Variants in COL5A1 observed in about 807,000 individuals in gnomAD.
COL5A1 encodes the protein collagen type V alpha 1 chain.
COL5A1 carries 16 observed loss-of-function variants against 263.7 expected under a neutral mutation model. The observed-to-expected ratio is 0.06, with a 90% confidence interval of 0.04 to 0.09. The LOEUF (loss-of-function observed/expected upper bound fraction) is 0.09. Ranked by LOEUF, COL5A1 falls within the 10% of genes least tolerant of loss-of-function variation. The probability of loss-of-function intolerance (pLI) is 1.00; values close to 1 mark genes in which losing one functional copy is unlikely to be tolerated. For missense variants in COL5A1, 2,036 were observed against 2,540.5 expected (o/e 0.80, Z 4.27); for synonymous variants, 1,012 against 1,004.5 (o/e 1.01, Z -0.14).
At chr9:134,769,015 G>A (rs995712984) in intron 25 of COL5A1, among the ~76,000 whole-genome samples, 11 of 152,200 alleles carry the variant, frequency 7.2e-5, no homozygotes, top group African/African-American at 2.4e-4. Context: ...CTCAGAATGC[G>A]TGCGTGCGTG....
intron 1 of COL5A1, among the ~76,000 whole-genome samples, chr9:134,689,316 C>T (rs753724973): frequency 2.6e-5 from 4 of 152,286 alleles, no homozygotes; most frequent in South Asian, 2.1e-4. Context: ...TTGAGCCCGT[C>T]GCAGGCTGAT....
intron 18 of COL5A1, among the ~76,000 whole-genome samples, chr9:134,759,734 A>G (rs374837497): frequency 6.3e-5 from 3 of 47,924 alleles, no homozygotes; most frequent in Admixed American, 3.6e-4. Flanking sequence ...CCACACTCAT[A>G]CACACACACC....
chr9:134,732,113 GCGATTATCGAGC>G lies in COL5A1; in HGVS notation c.1378_1389del (p.Ile460_Pro463del). ...CGAGAAAGGCCAAAAGGGAGAACCA[GCGATTATCGAGC>G]CGGTGAGGACATTTTCTCATTCCCT... is the stretch of plus-strand genomic sequence containing the variant. On this transcript the variant is annotated inframe_deletion and splice_region_variant, in exon 9 of 66. Transcript: ENST00000371817. The G allele has an allele frequency of 6.2e-7, 1 of 1,614,260 alleles. No individual in the cohort carries two copies. Among genetic ancestry groups the G allele is most frequent in the Non-Finnish European group, 8.5e-7 (1 of 1,180,034 alleles).
At chr9:134,764,084 G>A (rs1328012764) in intron 20 of COL5A1, among the ~76,000 whole-genome samples, 3 of 139,620 alleles carry the variant, frequency 2.1e-5, no homozygotes, top group South Asian at 2.5e-4. Flanking sequence ...TGAGGGCATC[G>A]TGGTGGGGTC....
intron 49 of COL5A1, 125 bp downstream of exon 49, chr9:134,814,161 C>A: frequency 3.2e-6 from 3 of 934,128 alleles, no homozygotes. Context: ...TGTAACCCCT[C>A]TTGTGCCCAT....
At chr9:134,657,565 G>A (rs1263123507) in intron 1 of COL5A1, among the ~76,000 whole-genome samples, 9 of 117,816 alleles carry the variant, frequency 7.6e-5, no homozygotes, top group Non-Finnish European at 1.2e-4. Flanking sequence ...TGGGGGTGGT[G>A]TAGGGGGTGT....
intron 18 of COL5A1, among the ~76,000 whole-genome samples, chr9:134,759,394 C>G (rs571606485): frequency 3.6e-5 from 5 of 138,116 alleles, no homozygotes; most frequent in Non-Finnish European, 7.9e-5. Flanking sequence ...TGCACACATA[C>G]GCATACACAC....
In COL5A1 at chr9:134,753,922, T is replaced by C. The variant is rs1223088813; in HGVS notation, c.1773+19T>C. On this transcript the variant is annotated intron_variant, in intron 15 of 65. Transcript: ENST00000371817. ...GCCTCAGGTATGTGGGATCCTTGCC[T>C]TCGCTGTCTGGTGGGCGCCTCCCGT... The C allele has an allele frequency of 1.2e-6, 2 of 1,609,646 alleles. No individual in the cohort carries two copies. Among genetic ancestry groups the C allele is most frequent in the Non-Finnish European group, 1.7e-6 (2 of 1,176,432 alleles).
At position 134,642,332 on chromosome 9, in the gene COL5A1, GGC is replaced by G. The variant is rs1204691549; in HGVS notation, c.109+43_109+44del. 5 of 575,742 alleles carry G rather than the reference GGC, an allele frequency of 8.7e-6. No homozygotes were observed. The highest frequency in any genetic ancestry group is 1.2e-5 in the Non-Finnish European group (5 of 417,378). The allele number at this position is 575,742 out of a possible 1,614,324, so 35.7% of individuals were successfully genotyped here. On this transcript the variant is annotated intron_variant, in intron 1 of 65. Transcript: ENST00000371817. This position sits in a 1 kb window ranked among gnomAD's most constrained non-coding sequence, Gnocchi z 4.5. The stretch of plus-strand genomic sequence containing the variant: ...CCCGGGGCGCGGGGCTGCGGGATGG[GGC>G]GCGCGCAGCCCGGGCGCCGCTGTCA...
At chr9:134,819,371 T>C (rs928394298) in intron 57 of COL5A1, among the ~76,000 whole-genome samples, 1 of 152,264 alleles carries the variant, frequency 6.6e-6, no homozygotes, top group African/African-American at 2.4e-5. Context: ...CTCCCTGGGC[T>C]GAGCGGCCCC....
At position 134,758,211 on chromosome 9, in the gene COL5A1, C is replaced by T. The variant is rs373764992; in HGVS notation, c.1882-32C>T. 54 of 1,612,980 alleles carry T rather than the reference C, an allele frequency of 3.3e-5. No homozygotes were observed. The highest frequency in any genetic ancestry group is 1.7e-4 in the Middle Eastern group (1 of 6,004). On this transcript the variant is annotated intron_variant, in intron 17 of 65. Coordinates refer to ENST00000371817, the MANE Select transcript of COL5A1 (RefSeq NM_000093.5). The surrounding 1 kb of genome is among the most constrained non-coding windows in gnomAD (Gnocchi z 4.1). ...CGGGGTGTCCACGTGTGCAGGGTGG[C>T]GTCTGAGGCAGCCTTTCTGTCCTTT...
chr9:134,748,926 T>C (rs1835675747), intron 11 of COL5A1, among the ~76,000 whole-genome samples: 1 of 152,166 alleles, frequency 6.6e-6, no homozygotes, highest in Non-Finnish European at 1.5e-5. Context: ...AATTGCAGAA[T>C]ATTTAGGGAC....
rs1483873120 is a variant in COL5A1, at chr9:134,682,323, A to C, written c.110-8589A>C. Among the ~76,000 whole-genome samples the C allele has an allele frequency of 1.3e-5, 2 of 152,058 alleles. No individual in the cohort carries two copies. Among genetic ancestry groups the C allele is most frequent in the African/African-American group, 4.8e-5 (2 of 41,398 alleles). ...CCGGGTCCTGAGCGGAGCACTCTGT[A>C]CCTGTGTCACCCAAGAGCTGCGGCT... On this transcript the variant is annotated intron_variant, in intron 1 of 65. Transcript: ENST00000371817. This position sits in a 1 kb window ranked among gnomAD's most constrained non-coding sequence, Gnocchi z 5.1.
At chr9:134,781,129 G>C (rs1837235554) in intron 28 of COL5A1, among the ~76,000 whole-genome samples, 1 of 152,242 alleles carries the variant, frequency 6.6e-6, no homozygotes, top group African/African-American at 2.4e-5. Context: ...CGGCCTTAAA[G>C]CCATTCCCGA....
chr9:134,807,939 G>A (rs760016413), intron 42 of COL5A1, among the ~76,000 whole-genome samples: 17 of 152,236 alleles, frequency 1.1e-4, no homozygotes, highest in South Asian at 8.3e-4. Flanking sequence ...GCAGAAGCTC[G>A]TCATCCTCCC....
intron 4 of COL5A1, among the ~76,000 whole-genome samples, chr9:134,725,438 C>T (rs528877584): frequency 7.9e-5 from 12 of 152,248 alleles, no homozygotes; most frequent in East Asian, 1.9e-4. Context: ...CTATATTGGT[C>T]GGCTTCTATG....
rs372109796 is a variant in COL5A1, at chr9:134,805,063, T to G, written c.3203T>G (p.Val1068Gly). 159 of 1,613,640 alleles carry G rather than the reference T, an allele frequency of 9.9e-5. No homozygotes were observed. Among genetic ancestry groups the G allele is most frequent in the Non-Finnish European group, 1.3e-4 (148 of 1,179,904 alleles). The change falls in exon 40 of 66, where the codon GTG (valine) becomes GGG (glycine). Residue 1068 changes from valine to glycine, a missense_variant and splice_region_variant. Physicochemically the swap from Val to Gly is moderately radical, Grantham distance 109. Around this residue, in one of 3 missense-constraint regions of COL5A1, gnomAD observed 1,078 missense variants for 1,521.4 expected, o/e 0.71. Coordinates refer to ENST00000371817, the MANE Select transcript of COL5A1 (RefSeq NM_000093.5). ...GGGGACCGAGGGCTTCCTGGTCCAG[T>G]GGTGAGTGAGAGGCCAGGCGGGGAA... ...FPGDRGLPGP[V>G]GALGLKGNEG... is the part of the protein sequence containing the mutation.
At position 134,818,740 on chromosome 9, in the gene COL5A1, C is replaced by T. The variant is rs1429472282; in HGVS notation, c.4315C>T (p.Leu1439Phe). Residue 1439 changes from leucine (L) to phenylalanine (F), a missense_variant, in exon 55 of 66, where the codon CTT becomes TTT. By Grantham distance (22) the Leu-to-Phe change is conservative (BLOSUM62 0). Coordinates refer to ENST00000371817, the MANE Select transcript of COL5A1 (RefSeq NM_000093.5). The surrounding 1 kb of genome is among the most constrained non-coding windows in gnomAD (Gnocchi z 6.0). ...CCCTGGGAAGCCCGGACCGGATGGC[C>T]TTCGAGGGATCCCTGGCCCTGTGGT... is the stretch of plus-strand genomic sequence containing the variant. ...GAPGKPGPDG[L>F]RGIPGPVGEQ... 6.2e-7 allele frequency: 1 copy of T among 1,611,988 alleles called. No individual in the cohort carries two copies. Among genetic ancestry groups the T allele is most frequent in the Non-Finnish European group, 8.5e-7 (1 of 1,179,574 alleles).
chr9:134,785,731 C>T (rs1837431725), intron 30 of COL5A1, among the ~76,000 whole-genome samples: 1 of 152,224 alleles, frequency 6.6e-6, no homozygotes, highest in Non-Finnish European at 1.5e-5. Flanking sequence ...TCGCTTTGCT[C>T]CACAGTGGCA....
Sources: allele counts gnomAD v4.1 joint callset (sites outside exome capture counted in the v4.1 genomes callset), GRCh38; gene constraint gnomAD v4.1.1; regional missense constraint gnomAD v4.1.1; non-coding constraint Gnocchi (gnomAD v3.1); transcripts MANE v1.5; gene names NCBI Gene and HGNC (gene_info 2026-07-23, HGNC 2026-07-21).